PRMT8: variants seen among roughly 807,000 people sequenced by gnomAD.
PRMT8 encodes protein arginine N-methyltransferase 8.
Under a neutral mutation model 47.1 loss-of-function variants are expected in PRMT8, and 7 were observed. The ratio of observed to expected loss-of-function variants is 0.15; its 90% CI spans 0.08 to 0.28. PRMT8 has a LOEUF of 0.28. Ranked by LOEUF, PRMT8 falls within the 10% of genes least tolerant of loss-of-function variation. The probability of loss-of-function intolerance (pLI) is 1.00; values close to 1 mark genes in which losing one functional copy is unlikely to be tolerated. For missense variants in PRMT8, 237 were observed against 505.4 expected (o/e 0.47, Z 5.09); for synonymous variants, 188 against 186.5 (o/e 1.01, Z -0.07).
At chr12:3,534,080 G>T (rs924523632) in intron 1 of PRMT8, among the ~76,000 whole-genome samples, 5 of 152,218 alleles carry the variant, frequency 3.3e-5, no homozygotes, top group African/African-American at 1.2e-4. Flanking sequence ...GCAAAAGAGT[G>T]GGGTGAGGCC....
chr12:3,589,052 T>G (rs1867241616), intron 8 of PRMT8, among the ~76,000 whole-genome samples: 1 of 152,358 alleles, frequency 6.6e-6, no homozygotes, highest in Non-Finnish European at 1.5e-5. Context: ...AGAGCCATAG[T>G]TGATGGACTA....
intron 1 of PRMT8, among the ~76,000 whole-genome samples, chr12:3,457,459 C>T (rs981171786): frequency 1.3e-5 from 2 of 152,074 alleles, no homozygotes; most frequent in African/African-American, 4.8e-5. Flanking sequence ...CAGGTGCATG[C>T]GCCACCACAT....
At chr12:3,542,649 CCAAA>C (rs1866252291) in intron 2 of PRMT8, among the ~76,000 whole-genome samples, 1 of 152,232 alleles carries the variant, frequency 6.6e-6, no homozygotes, top group African/African-American at 2.4e-5. Flanking sequence ...CCATTAGAAA[CCAAA>C]CAACCATGAG....
intron 1 of PRMT8, among the ~76,000 whole-genome samples, chr12:3,420,454 G>A (rs577206853): frequency 4.7e-4 from 72 of 152,334 alleles, no homozygotes; most frequent in African/African-American, 1.6e-3. Flanking sequence ...CCCTTTGTAT[G>A]AGCCTCCATG....
At chr12:3,414,501 C>T (rs143581400) in intron 1 of PRMT8, among the ~76,000 whole-genome samples, 2 of 152,112 alleles carry the variant, frequency 1.3e-5, no homozygotes, top group South Asian at 2.1e-4. Context: ...AGCCTGCAAG[C>T]GAGTGTGGGA....
intron 1 of PRMT8, among the ~76,000 whole-genome samples, chr12:3,477,474 G>C (rs1865225147): frequency 6.6e-6 from 1 of 152,200 alleles, no homozygotes; most frequent in Non-Finnish European, 1.5e-5. Flanking sequence ...TGGACGTGAG[G>C]TGTCCCAAGC....
At chr12:3,591,497 A>G (rs1463154105) in intron 8 of PRMT8, among the ~76,000 whole-genome samples, 1 of 150,268 alleles carries the variant, frequency 6.7e-6, no homozygotes, top group Non-Finnish European at 1.5e-5. Flanking sequence ...GCTCACTGCA[A>G]CCTTGAACTC....
At chr12:3,568,470 G>A (rs190337005) in intron 4 of PRMT8, among the ~76,000 whole-genome samples, 54 of 152,218 alleles carry the variant, frequency 3.5e-4, no homozygotes, top group Admixed American at 7.2e-4. Flanking sequence ...CGCATATAAC[G>A]GGCTTAGCGC....
chr12:3,391,905 G>A (rs1018391013), intron 1 of PRMT8, among the ~76,000 whole-genome samples: 1 of 152,196 alleles, frequency 6.6e-6, no homozygotes, highest in Non-Finnish European at 1.5e-5. Context: ...ATTGATGAAT[G>A]AAGGGCATTT....
intron 1 of PRMT8, among the ~76,000 whole-genome samples, chr12:3,420,015 AAGAGAGAGAGAGAGACAGACAG>A (rs1480971527): frequency 2.5e-4 from 19 of 77,152 alleles, no homozygotes; most frequent in Non-Finnish European, 5.4e-5. Flanking sequence ...AGAGAGGGGA[AAGAGAGAGAGAGAGACAGACAG>A]AGAGAGAGAG....
chr12:3,478,294 AT>A (rs1474749778), intron 1 of PRMT8, among the ~76,000 whole-genome samples: 71 of 147,720 alleles, frequency 4.8e-4, no homozygotes, highest in African/African-American at 7.8e-4. Context: ...CTATCTATCT[AT>A]CTATCTATCT....
chr12:3,558,474 C>G (rs1219647876), intron 4 of PRMT8, among the ~76,000 whole-genome samples: 2 of 152,130 alleles, frequency 1.3e-5, no homozygotes. Flanking sequence ...TCATCATTAC[C>G]TAATGCCCAG....
rs970953852 is a variant in PRMT8, at chr12:3,569,376, C to T, written c.625-101C>T. On this transcript the variant is annotated intron_variant, in intron 5 of 9. Coordinates refer to ENST00000382622, the MANE Select transcript of PRMT8 (RefSeq NM_019854.5). This position sits in a 1 kb window ranked among gnomAD's most constrained non-coding sequence, Gnocchi z 8.2. Reference sequence around the variant, plus strand: ...CAGTCCACTGCATGAGAGATGGTGGCAAGGGGGTGCTTGTCTGGTGACTCT... The same window carrying T: ...CAGTCCACTGCATGAGAGATGGTGGTAAGGGGGTGCTTGTCTGGTGACTCT... 3.7e-5 allele frequency: 35 copies of T among 956,806 alleles called. No individual in the cohort carries two copies. The Admixed American group carries it at 5.8e-4, about 16-fold the overall frequency. The allele number at this position is 956,806 out of a possible 1,614,324, so 59.3% of individuals were successfully genotyped here. A position where few individuals can be genotyped will look rare whatever the true frequency, so the allele number is the denominator to read the frequency against.
intron 1 of PRMT8, among the ~76,000 whole-genome samples, chr12:3,464,639 C>G (rs1308905052): frequency 1.3e-5 from 2 of 152,112 alleles, no homozygotes; most frequent in East Asian, 3.9e-4. Context: ...AGAAAAGACC[C>G]ATACCCCGGT....
In PRMT8 at chr12:3,593,380, C is replaced by T; in HGVS notation, c.*198C>T. On this transcript the variant is annotated 3_prime_UTR_variant, in exon 10 of 10. Coordinates refer to ENST00000382622, the MANE Select transcript of PRMT8 (RefSeq NM_019854.5). The surrounding 1 kb of genome is among the most constrained non-coding windows in gnomAD (Gnocchi z 4.8). ...AAGGCCTCCAGCTCCTCCGCTCTGC[C>T]CTGGTAGCCCTTCACGAAGGCTTTG... 1.8e-6 allele frequency: 1 copy of T among 558,766 alleles called. No individual in the cohort carries two copies. The highest frequency in any genetic ancestry group is 3.2e-5 in the East Asian group (1 of 31,602). The allele number at this position is 558,766 out of a possible 1,614,324, so 34.6% of individuals were successfully genotyped here.
intron 1 of PRMT8, among the ~76,000 whole-genome samples, chr12:3,408,151 TTCTC>T (rs1313399552): frequency 1.3e-5 from 2 of 150,802 alleles, no homozygotes; most frequent in South Asian, 2.1e-4. Context: ...CTCCCTCTCT[TTCTC>T]TTTCTTTCTT....
intron 1 of PRMT8, among the ~76,000 whole-genome samples, chr12:3,450,104 G>A (rs1382372825): frequency 2.0e-5 from 3 of 152,178 alleles, no homozygotes; most frequent in Non-Finnish European, 4.4e-5. Context: ...GCCTTACATA[G>A]ATAGATAGTT....
chr12:3,561,938 G>A (rs576459857), intron 4 of PRMT8, among the ~76,000 whole-genome samples: 22 of 152,298 alleles, frequency 1.4e-4, no homozygotes, highest in Non-Finnish European at 2.2e-4. Flanking sequence ...CACCTTACAG[G>A]ATCCTGAGAG....
In PRMT8 at chr12:3,492,355, G is replaced by A. The variant is rs900849273; in HGVS notation, c.75+655G>A. Reference sequence around the variant, plus strand: ...CCTCTGGGTAGCTAAACCCGGCAGGGCACACGGGCCGCGGCCACCTTCAGC... The same window carrying A: ...CCTCTGGGTAGCTAAACCCGGCAGGACACACGGGCCGCGGCCACCTTCAGC... On this transcript the variant is annotated intron_variant, in intron 1 of 9. Coordinates refer to ENST00000382622, the MANE Select transcript of PRMT8 (RefSeq NM_019854.5). The surrounding 1 kb of genome is among the most constrained non-coding windows in gnomAD (Gnocchi z 7.5). Among the ~76,000 whole-genome samples, 3 of 152,066 alleles carry A rather than the reference G, an allele frequency of 2.0e-5. No individual in the cohort carries two copies. Among genetic ancestry groups the A allele is most frequent in the African/African-American group, 7.2e-5 (3 of 41,416 alleles).
Sources: allele counts gnomAD v4.1 joint callset (sites outside exome capture counted in the v4.1 genomes callset), GRCh38; gene constraint gnomAD v4.1.1; non-coding constraint Gnocchi (gnomAD v3.1); transcripts MANE v1.5; gene names NCBI Gene and HGNC (gene_info 2026-07-23, HGNC 2026-07-21).